The following RNLS variants were observed in gnomAD, a reference collection of about 807,000 sequenced individuals.
The protein encoded by RNLS is renalase, FAD dependent amine oxidase, also known as renalase.
RNLS carries 39 observed loss-of-function variants against 39.8 expected under a neutral mutation model. The ratio of observed to expected loss-of-function variants is 0.98; its 90% CI spans 0.76 to 1.28. The LOEUF (loss-of-function observed/expected upper bound fraction) is 1.28, where lower values mean the gene tolerates loss of function less well. Ranked by LOEUF, RNLS falls within the 50% of genes most tolerant of loss-of-function variation. The pLI is 0.00. For missense variants in RNLS, 410 were observed against 413.3 expected (o/e 0.99, Z 0.07); for synonymous variants, 147 against 150.7 (o/e 0.98, Z 0.18).
chr10:88,549,877 A>G (rs1475531907), intron 4 of RNLS, among the ~76,000 whole-genome samples: 2 of 152,248 alleles, frequency 1.3e-5, no homozygotes, highest in African/African-American at 4.8e-5. Flanking sequence ...TGTATAAAAT[A>G]TTATTAGATT....
intron 3 of RNLS, among the ~76,000 whole-genome samples, chr10:88,576,947 G>A (rs1349495597): frequency 6.6e-6 from 1 of 152,014 alleles, no homozygotes; most frequent in Non-Finnish European, 1.5e-5. Context: ...CCTCCCTATT[G>A]GTAGGACAAG....
At chr10:88,310,062 A>C (rs1463263777) in intron 6 of RNLS, among the ~76,000 whole-genome samples, 1 of 152,070 alleles carries the variant, frequency 6.6e-6, no homozygotes, top group Non-Finnish European at 1.5e-5. Context: ...AAAAATACAA[A>C]AAATTAGCCG....
chr10:88,172,842 G>GTTTTTTTGTTTTTTTTT, the RNLS span, among the ~76,000 whole-genome samples: 5 of 43,774 alleles, frequency 1.1e-4, no homozygotes, highest in Non-Finnish European at 1.1e-4. Flanking sequence ...ATTTTGAGTT[G>GTTTTTTTGTTTTTTTTT]TTTTTTTTTT....
At chr10:88,363,899 T>C (rs12572530) in intron 4 of RNLS, among the ~76,000 whole-genome samples, 5,471 of 152,246 alleles carry the variant, frequency 0.036, 238 homozygotes, top group African/African-American at 0.092. Context: ...TATGAAATAA[T>C]GCATAGCACA....
intron 4 of RNLS, among the ~76,000 whole-genome samples, chr10:88,526,931 G>A (rs984427107): frequency 1.3e-5 from 2 of 151,986 alleles, no homozygotes; most frequent in African/African-American, 4.8e-5. Flanking sequence ...GTCTCTGGAG[G>A]CACCAGGTGT....
At chr10:88,554,687 C>T (rs1664065388) in intron 4 of RNLS, among the ~76,000 whole-genome samples, 1 of 151,984 alleles carries the variant, frequency 6.6e-6, no homozygotes, top group Non-Finnish European at 1.5e-5. Flanking sequence ...CTCTGCCCTC[C>T]TTTGTGTATT....
intron 4 of RNLS, among the ~76,000 whole-genome samples, chr10:88,561,461 CTT>C (rs1475171546): frequency 2.6e-5 from 4 of 152,024 alleles, no homozygotes; most frequent in Non-Finnish European, 4.4e-5. Flanking sequence ...AAAATAATCT[CTT>C]ATTAAATAAA....
intron 4 of RNLS, among the ~76,000 whole-genome samples, chr10:88,378,382 G>C (rs1442982135): frequency 6.6e-6 from 1 of 152,128 alleles, no homozygotes; most frequent in Non-Finnish European, 1.5e-5. Flanking sequence ...ATTGAAACTA[G>C]AATCCCTTCT....
intron 4 of RNLS, among the ~76,000 whole-genome samples, chr10:88,456,709 T>C (rs1842647329): frequency 6.6e-6 from 1 of 152,092 alleles, no homozygotes; most frequent in Non-Finnish European, 1.5e-5. Context: ...TGCAGCAGCT[T>C]CAGTCACCAG....
At chr10:88,178,106 C>T in the RNLS span, among the ~76,000 whole-genome samples, 975 of 152,270 alleles carry the variant, frequency 6.4e-3, 11 homozygotes, top group African/African-American at 0.022. Context: ...CTTTCTGCTG[C>T]GCGGGACTTC....
At chr10:88,247,069 A>T in the RNLS span, among the ~76,000 whole-genome samples, 1 of 152,138 alleles carries the variant, frequency 6.6e-6, no homozygotes, top group Non-Finnish European at 1.5e-5. Context: ...AGGTGGGAAA[A>T]AATCTTGGTG....
chr10:88,272,271 C>T, downstream of RNLS, among the ~76,000 whole-genome samples: 1 of 152,172 alleles, frequency 6.6e-6, no homozygotes, highest in East Asian at 1.9e-4. Context: ...CTTTATGAAA[C>T]AAGTTACTGT....
At chr10:88,212,603 T>C in the RNLS span, among the ~76,000 whole-genome samples, 1 of 152,236 alleles carries the variant, frequency 6.6e-6, no homozygotes, top group African/African-American at 2.4e-5. Flanking sequence ...CTGAGCTGCT[T>C]ATTTCATTTT....
chr10:88,256,794 T>A, the RNLS span, among the ~76,000 whole-genome samples: 2 of 152,178 alleles, frequency 1.3e-5, no homozygotes, highest in African/African-American at 4.8e-5. Flanking sequence ...AATTTTGCTC[T>A]TCATGATCAG....
intron 4 of RNLS, among the ~76,000 whole-genome samples, chr10:88,509,480 G>A (rs574301371): frequency 6.7e-6 from 1 of 148,650 alleles, no homozygotes; most frequent in Non-Finnish European, 1.5e-5. Context: ...GAGAGGAGAG[G>A]GGAGGAGAGG....
At chr10:88,570,251 C>G (rs1206548227) in intron 4 of RNLS, among the ~76,000 whole-genome samples, 1 of 152,076 alleles carries the variant, frequency 6.6e-6, no homozygotes, top group Non-Finnish European at 1.5e-5. Context: ...AAATAAGGTC[C>G]ATTGTCAATA....
chr10:88,423,038 G>A (rs1044879136), intron 4 of RNLS, among the ~76,000 whole-genome samples: 4 of 152,098 alleles, frequency 2.6e-5, no homozygotes, highest in South Asian at 2.1e-4. Flanking sequence ...TGTGAGCCAC[G>A]GTGCCTGGCC....
At chr10:88,289,350 A>G (rs1843510827) in intron 6 of RNLS, among the ~76,000 whole-genome samples, 1 of 152,026 alleles carries the variant, frequency 6.6e-6, no homozygotes, top group South Asian at 2.1e-4. Flanking sequence ...TGTCCTATCT[A>G]TATTCAAACT....
chr10:88,268,656 T>C, the RNLS span, among the ~76,000 whole-genome samples: 1 of 152,212 alleles, frequency 6.6e-6, no homozygotes, highest in South Asian at 2.1e-4. Context: ...TTTATCTCCA[T>C]CTCTTGGCTC....
Sources: allele counts gnomAD v4.1 joint callset (sites outside exome capture counted in the v4.1 genomes callset), GRCh38; gene constraint gnomAD v4.1.1; transcripts MANE v1.5; gene names NCBI Gene and HGNC (gene_info 2026-07-23, HGNC 2026-07-21).